Variants in DNASE1 observed in about 807,000 individuals in gnomAD.
The protein encoded by DNASE1 is deoxyribonuclease-1.
Under a neutral mutation model 33.9 loss-of-function variants are expected in DNASE1, and 40 were observed. The observed-to-expected ratio is 1.18, with a 90% confidence interval of 0.92 to 1.54. DNASE1 has a LOEUF of 1.54. DNASE1 is among the 40% of genes most tolerant of loss of function. DNASE1 has a pLI of 0.00. For synonymous variants in DNASE1, 216 were observed against 160.0 expected, an observed-to-expected ratio of 1.35 and a Z score of -2.64; for missense variants, 518 against 372.6, an observed-to-expected ratio of 1.39 and a Z score of -3.21.
upstream of DNASE1, among the ~76,000 whole-genome samples, chr16:3,638,832 T>A (rs1193703678): frequency 1.3e-5 from 2 of 152,244 alleles, no homozygotes; most frequent in African/African-American, 4.8e-5. Flanking sequence ...TAGTTTCAAT[T>A]GCTATGTCTT....
chr16:3,661,830 T>G, downstream of DNASE1: 2 of 947,124 alleles, frequency 2.1e-6, no homozygotes, highest in Non-Finnish European at 2.9e-6. Flanking sequence ...CCATTTCACA[T>G]GGGTGCAGCC....
chr16:3,634,020 C>T (rs1294122123), intron 1 of DNASE1, among the ~76,000 whole-genome samples: 1 of 151,584 alleles, frequency 6.6e-6, no homozygotes, highest in Non-Finnish European at 1.5e-5. Flanking sequence ...CCATGTTGGC[C>T]AGGATGGTCT....
At chr16:3,616,963 C>T (rs2041124739) in intron 1 of DNASE1, among the ~76,000 whole-genome samples, 1 of 152,118 alleles carries the variant, frequency 6.6e-6, no homozygotes, top group Admixed American at 6.5e-5. Context: ...TGAAGTTAGA[C>T]CCTTACCTCA....
intron 1 of DNASE1, among the ~76,000 whole-genome samples, chr16:3,619,149 C>G (rs1318857358): frequency 6.6e-6 from 1 of 152,120 alleles, no homozygotes; most frequent in Non-Finnish European, 1.5e-5. Context: ...ATCCTCCTGC[C>G]TCAGCCTCCC....
intron 7 of DNASE1, 44 bp from the exon 8 acceptor site, chr16:3,657,673 CCCA>C: frequency 1.2e-6 from 2 of 1,610,348 alleles, no homozygotes; most frequent in Non-Finnish European, 1.7e-6. Context: ...CTGAGCCAGG[CCCA>C]TGTGTGAAAG....
chr16:3,634,543 T>C (rs190753844), intron 1 of DNASE1, among the ~76,000 whole-genome samples: 1 of 152,256 alleles, frequency 6.6e-6, no homozygotes, highest in East Asian at 1.9e-4. Flanking sequence ...AGGGTCTTGG[T>C]CTGTCGTCCA....
chr16:3,659,342 C>CAGCA (rs2042929355), downstream of DNASE1: 1 of 153,046 alleles, frequency 6.5e-6, no homozygotes, highest in Non-Finnish European at 1.5e-5. Flanking sequence ...CTCCATCCAG[C>CAGCA]AGCACTGGGA....
At chr16:3,648,827 T>C (rs2042247638) in intron 1 of DNASE1, among the ~76,000 whole-genome samples, 1 of 152,240 alleles carries the variant, frequency 6.6e-6, no homozygotes, top group African/African-American at 2.4e-5. Flanking sequence ...TTTTATAGGA[T>C]CTAAGGTCCA....
intron 1 of DNASE1, among the ~76,000 whole-genome samples, chr16:3,623,709 G>A (rs773082929): frequency 1.6e-4 from 24 of 152,234 alleles, no homozygotes; most frequent in Non-Finnish European, 2.6e-4. Flanking sequence ...TGAGGCAGGA[G>A]GATCACTTGA....
At chr16:3,660,875 G>A (rs2043034541), downstream of DNASE1, 1 of 152,120 alleles carries the variant, frequency 6.6e-6, no homozygotes, top group African/African-American at 2.4e-5. Flanking sequence ...AGTGAGCTGA[G>A]ATTGCCCCAC....
At chr16:3,632,564 C>T (rs970023151) in intron 1 of DNASE1, among the ~76,000 whole-genome samples, 16 of 151,086 alleles carry the variant, frequency 1.1e-4, no homozygotes, top group African/African-American at 3.9e-4. Context: ...ATGTCTTTTT[C>T]CATCTCTTTA....
chr16:3,634,271 C>G (rs901394506), intron 1 of DNASE1, among the ~76,000 whole-genome samples: 2 of 151,992 alleles, frequency 1.3e-5, no homozygotes, highest in Admixed American at 6.6e-5. Flanking sequence ...CTCTGTCACC[C>G]AGGCTGGAGT....
At chr16:3,642,081 C>T (rs2042037818), upstream of DNASE1, among the ~76,000 whole-genome samples, 1 of 152,200 alleles carries the variant, frequency 6.6e-6, no homozygotes, top group Non-Finnish European at 1.5e-5. Context: ...TGCAGACTAG[C>T]ACAGAGTTCC....
intron 1 of DNASE1, among the ~76,000 whole-genome samples, chr16:3,612,923 C>G (rs1243799758): frequency 6.6e-6 from 1 of 152,098 alleles, no homozygotes; most frequent in African/African-American, 2.4e-5. Context: ...TGCCTCCAGT[C>G]ACTGAAATAA....
Position 3,657,329 on chromosome 16 carries a change from G to C in DNASE1, c.692G>C (p.Cys231Ser), listed in dbSNP as rs8176940. The part of the protein sequence containing the change: ...SADTTATPTH[C>S]AYDRIVVAGM... ...GACACCACAGCTACACCCACGCACT[G>C]TGCCTATGACAGGTGAGCAGGGCCT... The change falls in exon 7 of 9, where the codon TGT becomes TCT. Residue 231 changes from cysteine to serine, a missense_variant. Transcript: ENST00000246949. The C allele has an allele frequency of 3.7e-6, 6 of 1,613,228 alleles. No homozygotes were observed. The highest frequency in any genetic ancestry group is 4.5e-5 in the East Asian group (2 of 44,902).
chr16:3,657,791 C>G lies in DNASE1; in HGVS notation c.776C>G (p.Ala259Gly), dbSNP rs142079857. The G allele has an allele frequency of 1.9e-4, 299 of 1,614,060 alleles. No individual in the cohort carries two copies. Among genetic ancestry groups the G allele is most frequent in the Admixed American group, 3.0e-4 (18 of 60,016 alleles). The change falls in exon 8 of 9, where the codon GCT becomes GGT. Residue 259 changes from alanine to glycine, a missense_variant. By Grantham distance (60) the Ala-to-Gly change is moderately conservative. Coordinates refer to ENST00000246949, the MANE Select transcript of DNASE1 (RefSeq NM_005223.4). The part of the protein sequence containing the change: ...PDSALPFNFQ[A>G]AYGLSDQLAQ... ...TCGGCTCTTCCCTTTAACTTCCAGG[C>G]TGCCTATGGCCTGAGTGACCAACTG... is the stretch of plus-strand genomic sequence containing the variant.
intron 1 of DNASE1, among the ~76,000 whole-genome samples, chr16:3,637,098 TG>T (rs750038929): frequency 1.4e-4 from 21 of 151,070 alleles, no homozygotes; most frequent in Non-Finnish European, 2.7e-4. Flanking sequence ...CACTCCTGCC[TG>T]GGTGACAGAA....
downstream of DNASE1, chr16:3,662,124 G>C (rs1457050842): frequency 6.2e-7 from 1 of 1,612,156 alleles, no homozygotes; most frequent in Admixed American, 1.7e-5. Flanking sequence ...TGTCCAGTCG[G>C]AGGGTCACCT....
At chr16:3,641,868 A>C (rs1567198094), upstream of DNASE1, among the ~76,000 whole-genome samples, 2 of 152,176 alleles carry the variant, frequency 1.3e-5, no homozygotes, top group African/African-American at 4.8e-5. Flanking sequence ...GCCGGGGACC[A>C]GTGGCTCACA....
Sources: gnomAD v4.1 joint callset for allele counts (sites outside exome capture counted in the v4.1 genomes callset) on GRCh38, gnomAD v4.1.1 for gene constraint, MANE v1.5 for transcripts, NCBI Gene and HGNC (gene_info 2026-07-23, HGNC 2026-07-21) for gene names.